The following DYNC2H1 variants were observed in gnomAD, a reference collection of about 807,000 sequenced individuals.
DYNC2H1 encodes the protein cytoplasmic dynein 2 heavy chain 1.
DYNC2H1 carries 410 observed loss-of-function variants against 570.0 expected under a neutral mutation model. The ratio of observed to expected loss-of-function variants is 0.72; its 90% confidence interval spans 0.66 to 0.78. The LOEUF (loss-of-function observed/expected upper bound fraction) is 0.78. Among genes scored for constraint, DYNC2H1 ranks in the 30% least tolerant of loss-of-function variants. The pLI is 0.00. For synonymous variants in DYNC2H1, 1,688 were observed against 1,677.6 expected, an observed-to-expected ratio of 1.01 and a Z score of -0.15; for missense variants, 4,865 against 5,046.4, an observed-to-expected ratio of 0.96 and a Z score of 1.09.
chr11:103,213,673 A>G (rs1863252296), intron 54 of DYNC2H1, among the ~76,000 whole-genome samples: 1 of 151,348 alleles, frequency 6.6e-6, no homozygotes, highest in Admixed American at 6.6e-5. Context: ...TTTTAATGGA[A>G]TTCTTTGTTG....
intron 83 of DYNC2H1, among the ~76,000 whole-genome samples, chr11:103,389,234 GTGTA>G (rs1942029079): frequency 6.6e-6 from 1 of 152,174 alleles, no homozygotes; most frequent in Non-Finnish European, 1.5e-5. Context: ...TCTTGGGAGG[GTGTA>G]TGTGTCGAGG....
intron 50 of DYNC2H1, among the ~76,000 whole-genome samples, chr11:103,200,698 T>C (rs547569727): frequency 3.3e-5 from 5 of 152,222 alleles, no homozygotes; most frequent in Non-Finnish European, 7.3e-5. Flanking sequence ...CACATAATGC[T>C]ACACATTAGT....
rs943883816 is a variant in DYNC2H1 at position 103,319,054 on chromosome 11, T to C, written c.11726-1975T>C. On this transcript the variant is annotated intron_variant, in intron 80 of 88. Coordinates refer to ENST00000375735, the MANE Select transcript of DYNC2H1 (RefSeq NM_001377.3). The surrounding 1 kb of genome is among the most constrained non-coding windows in gnomAD (Gnocchi z 4.3). Reference sequence around the variant, plus strand: ...TTTCCAAAATGCTTTTGAATATTTATTTGACTTTTATAATACCACTATGAG... The same window carrying C: ...TTTCCAAAATGCTTTTGAATATTTACTTGACTTTTATAATACCACTATGAG... 5.1e-4 allele frequency among the ~76,000 whole-genome samples: 77 copies of C among 152,270 alleles called. No individual in the cohort carries two copies. The highest frequency in any genetic ancestry group is 1.8e-3 in the African/African-American group (75 of 41,572).
In DYNC2H1 at chr11:103,479,355, A is replaced by C; in HGVS notation, c.*102A>C. 1 of 1,307,444 alleles carries C rather than the reference A, an allele frequency of 7.6e-7. No individual in the cohort carries two copies. The highest frequency in any genetic ancestry group is 1.0e-6 in the Non-Finnish European group (1 of 984,570). The allele number at this position is 1,307,444 out of a possible 1,614,324, so 81.0% of individuals were successfully genotyped here. A position where few individuals can be genotyped will look rare whatever the true frequency, so the allele number is the denominator to read the frequency against. ...TCTACATTTGAAATGTTAGTTCAAAATATTAACATATAGTTATGTTGTTGA... is the reference window on the plus strand; with the variant it reads ...TCTACATTTGAAATGTTAGTTCAAACTATTAACATATAGTTATGTTGTTGA... On this transcript the variant is annotated 3_prime_UTR_variant, in exon 89 of 89. Coordinates refer to ENST00000375735, the MANE Select transcript of DYNC2H1 (RefSeq NM_001377.3).
At chr11:103,235,596 A>G in intron 61 of DYNC2H1, 76 bp from the exon 62 acceptor site, 1 of 1,371,948 alleles carries the variant, frequency 7.3e-7, no homozygotes, top group Non-Finnish European at 9.6e-7. Flanking sequence ...CACAGTCAAA[A>G]CCATAAAACT....
intron 69 of DYNC2H1, among the ~76,000 whole-genome samples, chr11:103,258,892 C>T (rs751840888): frequency 2.0e-5 from 3 of 152,142 alleles, no homozygotes; most frequent in Non-Finnish European, 4.4e-5. Context: ...ATCCAAGTCT[C>T]AATTTCATAT....
intron 85 of DYNC2H1, among the ~76,000 whole-genome samples, chr11:103,442,074 C>T (rs1193495339): frequency 6.6e-6 from 1 of 152,076 alleles, no homozygotes; most frequent in Admixed American, 6.6e-5. Context: ...CCTCCAGCAT[C>T]CCCATTTTTG....
At chr11:103,426,287 A>G (rs1019154594) in intron 84 of DYNC2H1, among the ~76,000 whole-genome samples, 2 of 152,188 alleles carry the variant, frequency 1.3e-5, no homozygotes, top group Non-Finnish European at 2.9e-5. Context: ...CGAGGCTCTC[A>G]GCTCTGAAGG....
chr11:103,249,474 A>G lies in DYNC2H1; in HGVS notation c.10043-3811A>G, dbSNP rs140609260. Among the ~76,000 whole-genome samples, 2 of 152,176 alleles carry G rather than the reference A, an allele frequency of 1.3e-5. No homozygotes were observed. The highest frequency in any genetic ancestry group is 4.8e-5 in the African/African-American group (2 of 41,566). Reference sequence around the variant, plus strand: ...ACCCAGATCAAGACATAAGAGCTTTATTAGCACTCCAGAAGCCCACTTACT... The same window carrying G: ...ACCCAGATCAAGACATAAGAGCTTTGTTAGCACTCCAGAAGCCCACTTACT... On this transcript the variant is annotated intron_variant, in intron 65 of 88. Transcript: ENST00000375735. The surrounding 1 kb of genome is among the most constrained non-coding windows in gnomAD (Gnocchi z 4.6).
chr11:103,452,774 T>G (rs558483963), intron 85 of DYNC2H1, among the ~76,000 whole-genome samples: 6 of 148,822 alleles, frequency 4.0e-5, no homozygotes, highest in Middle Eastern at 3.5e-3. Context: ...TTCACAGTTA[T>G]TTTTGTATGT....
intron 75 of DYNC2H1, among the ~76,000 whole-genome samples, chr11:103,292,688 C>A (rs1034296999): frequency 6.6e-6 from 1 of 152,148 alleles, no homozygotes; most frequent in Admixed American, 6.5e-5. Context: ...TCTCTCAAGA[C>A]CTGGTTGTTT....
chr11:103,192,648 G>C (rs581746), intron 47 of DYNC2H1, among the ~76,000 whole-genome samples: 143,672 of 152,266 alleles, frequency 0.94, 67,857 homozygotes, highest in African/African-American at 0.98. Flanking sequence ...CTGTCACTAC[G>C]TATAATGTCA....
intron 62 of DYNC2H1, 144 bp downstream of exon 62, chr11:103,235,957 TA>T (rs1864203104): frequency 1.0e-6 from 1 of 990,758 alleles, no homozygotes; most frequent in East Asian, 2.8e-5. Flanking sequence ...GTTCCAAGGA[TA>T]CCCTAGCTAC....
chr11:103,197,801 A>G (rs935382475), intron 47 of DYNC2H1, 132 bp from the exon 48 acceptor site: 7 of 979,558 alleles, frequency 7.1e-6, no homozygotes, highest in African/African-American at 5.0e-5. Context: ...ACTTTAAAGT[A>G]TTTTGCCTTT....
In DYNC2H1 at chr11:103,177,716, C is replaced by G; in HGVS notation, c.6035C>G (p.Ala2012Gly). ...VVKQYTMNPK[A>G]MPRYQLLGHI... ...AAACAATATACTATGAATCCCAAAG[C>G]TATGCCTCGATATCAATTATTAGGC... Residue 2012 changes from alanine (A) to glycine (G), a missense_variant, in exon 38 of 89, where the codon GCT becomes GGT. Ala to Gly is a moderately conservative substitution (Grantham distance 60). This residue lies in a region of DYNC2H1 where 231 missense variants were observed against 310.3 expected (regional missense o/e 0.74). Coordinates refer to ENST00000375735, the MANE Select transcript of DYNC2H1 (RefSeq NM_001377.3). This position sits in a 1 kb window ranked among gnomAD's most constrained non-coding sequence, Gnocchi z 4.4. 6.2e-7 allele frequency: 1 copy of G among 1,613,488 alleles called. No homozygotes were observed. Among genetic ancestry groups the G allele is most frequent in the Admixed American group, 1.7e-5 (1 of 59,936 alleles).
intron 82 of DYNC2H1, among the ~76,000 whole-genome samples, chr11:103,331,104 AC>A (rs1409633311): frequency 2.6e-5 from 4 of 152,212 alleles, no homozygotes; most frequent in African/African-American, 4.8e-5. Context: ...AAAAGAAGTG[AC>A]ACAACACAAA....
rs1026266593 is a variant in DYNC2H1 at position 103,372,138 on chromosome 11, C to G, written c.12156+13779C>G. Among the ~76,000 whole-genome samples the G allele has an allele frequency of 4.9e-4, 72 of 145,836 alleles. 1 individual carries two copies. The highest frequency in any genetic ancestry group is 5.0e-4 in the Admixed American group (7 of 14,116). On this transcript the variant is annotated intron_variant, in intron 83 of 88. Coordinates refer to ENST00000375735, the MANE Select transcript of DYNC2H1 (RefSeq NM_001377.3). ...CACTGCAACCTCCACCTCCCAGGCT[C>G]AAGCAATTCTCATGCTTCAGCCTCC... is the stretch of plus-strand genomic sequence containing the variant.
chr11:103,171,198 AT>A (rs1377412364), intron 34 of DYNC2H1, 130 bp downstream of exon 34: 5 of 868,228 alleles, frequency 5.8e-6, no homozygotes, highest in South Asian at 4.5e-5. Flanking sequence ...GTGTTGTAAG[AT>A]TTTTTTAGCT....
chr11:103,417,334 C>T (rs1419887600), intron 84 of DYNC2H1, among the ~76,000 whole-genome samples: 3 of 152,030 alleles, frequency 2.0e-5, no homozygotes, highest in African/African-American at 7.2e-5. Context: ...ATCTCTTGAC[C>T]TCATGATCTG....
Sources: allele counts gnomAD v4.1 joint callset (sites outside exome capture counted in the v4.1 genomes callset), GRCh38; gene constraint gnomAD v4.1.1; regional missense constraint gnomAD v4.1.1; non-coding constraint Gnocchi (gnomAD v3.1); transcripts MANE v1.5; gene names NCBI Gene and HGNC (gene_info 2026-07-23, HGNC 2026-07-21).